The following PTPRD variants were observed in gnomAD, a reference collection of about 807,000 sequenced individuals.
PTPRD encodes protein tyrosine phosphatase receptor type D.
PTPRD carries 34 observed loss-of-function variants against 214.5 expected under a neutral mutation model. That is an observed-to-expected ratio of 0.16 (90% CI 0.12 to 0.21). PTPRD has a LOEUF of 0.21. PTPRD is among the 10% of genes least tolerant of loss of function. PTPRD has a pLI of 1.00. For synonymous variants in PTPRD, 1,128 were observed against 845.7 expected, an observed-to-expected ratio of 1.33 and a Z score of -5.79; for missense variants, 2,545 against 2,398.7, an observed-to-expected ratio of 1.06 and a Z score of -1.27.
At chr9:9,098,831 C>A (rs573291590) in intron 10 of PTPRD, among the ~76,000 whole-genome samples, 2 of 152,132 alleles carry the variant, frequency 1.3e-5, no homozygotes, top group South Asian at 4.1e-4. Context: ...GAGACTCTTA[C>A]ACATGTTCAC....
chr9:9,566,427 T>C (rs191895378), intron 8 of PTPRD, among the ~76,000 whole-genome samples: 132 of 152,104 alleles, frequency 8.7e-4, no homozygotes, highest in Non-Finnish European at 2.2e-4. Flanking sequence ...AAACTCAGAT[T>C]ATTTCTCTCT....
intron 43 of PTPRD, among the ~76,000 whole-genome samples, 157 bp from the exon 44 acceptor site, chr9:8,331,893 C>T (rs1407310772): frequency 6.6e-6 from 1 of 150,748 alleles, no homozygotes; most frequent in Non-Finnish European, 1.5e-5. Flanking sequence ...TATGGTTTAT[C>T]TGCTATAAAT....
intron 3 of PTPRD, among the ~76,000 whole-genome samples, chr9:10,159,444 G>A (rs911541337): frequency 2.0e-5 from 3 of 151,916 alleles, no homozygotes; most frequent in African/African-American, 7.2e-5. Context: ...AATCTTGGAA[G>A]CACTTTAATA....
intron 35 of PTPRD, among the ~76,000 whole-genome samples, chr9:8,424,688 G>GAA (rs35532131): frequency 6.6e-6 from 1 of 151,952 alleles, no homozygotes. Flanking sequence ...GGACTGGGAA[G>GAA]AAAAGGGAAG....
intron 32 of PTPRD, among the ~76,000 whole-genome samples, chr9:8,463,638 C>T (rs1591215030): frequency 1.3e-5 from 2 of 151,876 alleles, no homozygotes; most frequent in Admixed American, 1.3e-4. Context: ...AAAACAAAAT[C>T]ATAAAATGAT....
chr9:8,945,611 G>T (rs1405904234), intron 11 of PTPRD, among the ~76,000 whole-genome samples: 1 of 151,868 alleles, frequency 6.6e-6, no homozygotes, highest in Non-Finnish European at 1.5e-5. Flanking sequence ...AATTGATTCA[G>T]ATTCATGCTC....
intron 5 of PTPRD, among the ~76,000 whole-genome samples, chr9:9,792,075 A>G (rs552770450): frequency 6.6e-6 from 1 of 152,204 alleles, no homozygotes; most frequent in East Asian, 1.9e-4. Context: ...ATTAAAAAAA[A>G]TGTTTTATCC....
chr9:9,794,547 A>T (rs2098989834), intron 5 of PTPRD, among the ~76,000 whole-genome samples: 1 of 152,130 alleles, frequency 6.6e-6, no homozygotes, highest in Non-Finnish European at 1.5e-5. Context: ...ATACTGAACG[A>T]TAAGCTAATC....
At chr9:10,222,170 T>C (rs1178515596) in intron 3 of PTPRD, among the ~76,000 whole-genome samples, 1 of 152,180 alleles carries the variant, frequency 6.6e-6, no homozygotes, top group Non-Finnish European at 1.5e-5. Flanking sequence ...TATATTTGTA[T>C]AAAATTATTT....
intron 3 of PTPRD, among the ~76,000 whole-genome samples, chr9:10,199,898 C>T (rs1329640567): frequency 1.6e-5 from 2 of 125,658 alleles, no homozygotes; most frequent in Admixed American, 7.4e-5. Context: ...CATGGGCACT[C>T]GCGCGCACAC....
At chr9:9,582,192 T>A (rs1253652251) in intron 7 of PTPRD, among the ~76,000 whole-genome samples, 1 of 152,116 alleles carries the variant, frequency 6.6e-6, no homozygotes, top group Non-Finnish European at 1.5e-5. Flanking sequence ...CCACTTGGAA[T>A]AAGACAACCA....
At chr9:9,576,237 C>G (rs556129425) in intron 7 of PTPRD, among the ~76,000 whole-genome samples, 1 of 152,158 alleles carries the variant, frequency 6.6e-6, no homozygotes, top group East Asian at 1.9e-4. Context: ...ATACTTCATT[C>G]TTAGGAAGGA....
At chr9:10,235,863 T>G (rs1263489055) in intron 3 of PTPRD, among the ~76,000 whole-genome samples, 1 of 152,008 alleles carries the variant, frequency 6.6e-6, no homozygotes, top group African/African-American at 2.4e-5. Context: ...ATTAGTAGAC[T>G]GTCTCGCATG....
chr9:9,759,421 G>C (rs141309302), intron 6 of PTPRD, among the ~76,000 whole-genome samples: 4 of 152,140 alleles, frequency 2.6e-5, no homozygotes, highest in Non-Finnish European at 4.4e-5. Context: ...GAGCCTCCCA[G>C]TCCCTGCTCT....
At chr9:10,276,455 G>A (rs2094696579) in intron 3 of PTPRD, among the ~76,000 whole-genome samples, 1 of 152,158 alleles carries the variant, frequency 6.6e-6, no homozygotes, top group Admixed American at 6.5e-5. Flanking sequence ...ATCTCAGTAT[G>A]TATAGTATCT....
At chr9:9,303,324 A>G (rs986841393) in intron 9 of PTPRD, among the ~76,000 whole-genome samples, 25 of 152,158 alleles carry the variant, frequency 1.6e-4, no homozygotes, top group Admixed American at 1.4e-3. Context: ...AAAAGACATG[A>G]AATTTTAAAA....
chr9:10,238,204 C>A (rs955059348), intron 3 of PTPRD, among the ~76,000 whole-genome samples: 2 of 151,228 alleles, frequency 1.3e-5, no homozygotes, highest in African/African-American at 4.8e-5. Context: ...AAAAAGCACT[C>A]AGGGCACATA....
intron 9 of PTPRD, among the ~76,000 whole-genome samples, chr9:9,279,806 G>A (rs1186442902): frequency 6.6e-6 from 1 of 151,098 alleles, no homozygotes; most frequent in Admixed American, 6.6e-5. Flanking sequence ...AGTTTAATAT[G>A]TGTTAATGTC....
intron 2 of PTPRD, among the ~76,000 whole-genome samples, chr9:10,554,154 C>G (rs903711816): frequency 1.3e-5 from 2 of 152,162 alleles, no homozygotes; most frequent in African/African-American, 2.4e-5. Flanking sequence ...GTGTATAACT[C>G]AACCCTTTCT....
Sources: allele counts gnomAD v4.1 joint callset (sites outside exome capture counted in the v4.1 genomes callset), GRCh38; gene constraint gnomAD v4.1.1; transcripts MANE v1.5; gene names NCBI Gene and HGNC (gene_info 2026-07-23, HGNC 2026-07-21).